The following RABEP1 variants were observed in gnomAD, a reference collection of about 807,000 sequenced individuals.
RABEP1 encodes the protein rabaptin, RAB GTPase binding effector protein 1, also known as rab GTPase-binding effector protein 1.
In RABEP1, 51 loss-of-function variants were observed where a neutral mutation model predicts 123.4. The observed-to-expected ratio is 0.41, with a 90% CI of 0.33 to 0.52. The LOEUF (loss-of-function observed/expected upper bound fraction) is 0.52, where lower values mean the gene tolerates loss of function less well. Among genes scored for constraint, RABEP1 ranks in the 20% least tolerant of loss-of-function variants. RABEP1 has a pLI of 0.16. For synonymous variants in RABEP1, 347 were observed against 355.2 expected, an observed-to-expected ratio of 0.98 and a Z score of 0.26; for missense variants, 888 against 996.3, an observed-to-expected ratio of 0.89 and a Z score of 1.46.
intron 13 of RABEP1, among the ~76,000 whole-genome samples, chr17:5,376,027 C>T (rs1434019018): frequency 6.6e-6 from 1 of 152,100 alleles, no homozygotes; most frequent in Non-Finnish European, 1.5e-5. Context: ...TGTGTGCCAC[C>T]ATGTCTGGCT....
chr17:5,314,946 A>G (rs777708561), intron 2 of RABEP1, among the ~76,000 whole-genome samples: 17 of 152,226 alleles, frequency 1.1e-4, no homozygotes, highest in South Asian at 2.1e-4. Flanking sequence ...AGTGTTGGCA[A>G]TGAGTAAGAG....
chr17:5,282,319 C>G lies in RABEP1; in HGVS notation c.-168C>G, dbSNP rs950085853. The G allele has an allele frequency of 2.1e-4, 97 of 455,266 alleles. No homozygotes were observed. Among genetic ancestry groups the G allele is most frequent in the Non-Finnish European group, 3.2e-4 (88 of 275,524 alleles). The allele number at this position is 455,266 out of a possible 1,614,324, so 28.2% of individuals were successfully genotyped here. On this transcript the variant is annotated 5_prime_UTR_variant, in exon 1 of 18. Transcript: ENST00000537505. ...GGAGGCGGAGGTCGGCGGTCGGGTC[C>G]GTCTCTGCCCGCGGCTGTGGCGGCG...
intron 10 of RABEP1, 35 bp downstream of exon 10, chr17:5,363,051 G>A (rs762904180): frequency 3.3e-6 from 5 of 1,513,350 alleles, no homozygotes; most frequent in Non-Finnish European, 3.7e-6. Flanking sequence ...ATTGGATATT[G>A]TCGTTTTCAT....
chr17:5,337,973 A>G (rs770819789), intron 4 of RABEP1, 46 bp from the exon 5 acceptor site: 2 of 1,551,750 alleles, frequency 1.3e-6, no homozygotes, highest in Non-Finnish European at 8.7e-7. Context: ...TTCTTAGAAA[A>G]GCAGTAAATG....
rs1280370441 is a variant in RABEP1, at chr17:5,308,825, A to G, written c.163+3A>G. On this transcript the variant is annotated splice_donor_region_variant and intron_variant, in intron 2 of 17. Coordinates refer to ENST00000537505, the MANE Select transcript of RABEP1 (RefSeq NM_004703.6). Reference sequence around the variant, plus strand: ...GGAGTTATATTTGGCTAAAGAGGGTAAGTTCATAAGTCTCGCACCAACTTC... The same window carrying G: ...GGAGTTATATTTGGCTAAAGAGGGTGAGTTCATAAGTCTCGCACCAACTTC... 1.9e-6 allele frequency: 3 copies of G among 1,602,970 alleles called. No homozygotes were observed. The highest frequency in any genetic ancestry group is 2.6e-6 in the Non-Finnish European group (3 of 1,173,806).
Position 5,289,556 on chromosome 17 carries a change from A to G in RABEP1, c.34+7036A>G, listed in dbSNP as rs78256644. ...TGTGGTTTTTTATATTTTGTAGTCC[A>G]ATCCATTTGCAATTTATTTATTTTT... On this transcript the variant is annotated intron_variant, in intron 1 of 17. Coordinates refer to ENST00000537505, the MANE Select transcript of RABEP1 (RefSeq NM_004703.6). 2.0e-3 allele frequency among the ~76,000 whole-genome samples: 302 copies of G among 151,998 alleles called. 3 individuals are homozygous for G. Among genetic ancestry groups the G allele is most frequent in the Non-Finnish European group, 3.3e-3 (223 of 67,978 alleles).
At chr17:5,320,361 A>G (rs1205806426) in intron 2 of RABEP1, among the ~76,000 whole-genome samples, 1 of 148,742 alleles carries the variant, frequency 6.7e-6, no homozygotes, top group Non-Finnish European at 1.5e-5. Context: ...TACCAGACCC[A>G]TCCCACAAGA....
In RABEP1 at chr17:5,384,505, T is replaced by C. The variant is rs1485419198; in HGVS notation, c.*1282T>C. ...CAGCAGGGTACCTGAAAGAGCCTTCTGGGAGTTAGTGAACTAGGTAGATTG... is the reference window on the plus strand; with the variant it reads ...CAGCAGGGTACCTGAAAGAGCCTTCCGGGAGTTAGTGAACTAGGTAGATTG... On this transcript the variant is annotated 3_prime_UTR_variant, in exon 18 of 18. Transcript: ENST00000537505. 2 of 216,312 alleles carry C rather than the reference T, an allele frequency of 9.2e-6. No individual in the cohort carries two copies. Among genetic ancestry groups the C allele is most frequent in the Non-Finnish European group, 1.9e-5 (2 of 107,600 alleles). The allele number at this position is 216,312 out of a possible 1,614,324, so 13.4% of individuals were successfully genotyped here.
Position 5,354,278 on chromosome 17 carries a change from T to C in RABEP1, c.964-81T>C. ...TCTTATCATAACGCTCTGTTCTTTA[T>C]TTGTTTTGAATGGTTAAAGAACTGT... On this transcript the variant is annotated intron_variant, in intron 7 of 17. Coordinates refer to ENST00000537505, the MANE Select transcript of RABEP1 (RefSeq NM_004703.6). The C allele has an allele frequency of 2.3e-6, 3 of 1,312,092 alleles. No homozygotes were observed. In the South Asian group the frequency reaches 4.5e-5, roughly 20 times the overall value. The allele number at this position is 1,312,092 out of a possible 1,614,324, so 81.3% of individuals were successfully genotyped here.
rs188987057 is a variant in RABEP1 at position 5,363,158 on chromosome 17, T to C, written c.1668+142T>C. 6.2e-5 allele frequency: 40 copies of C among 642,134 alleles called. No individual in the cohort carries two copies. In the Admixed American group the frequency reaches 1.0e-3, roughly 16 times the overall value. The allele number at this position is 642,134 out of a possible 1,614,324, so 39.8% of individuals were successfully genotyped here. On this transcript the variant is annotated intron_variant, in intron 10 of 17. Coordinates refer to ENST00000537505, the MANE Select transcript of RABEP1 (RefSeq NM_004703.6). ...TTAAGTTATGAAATAACCTGGTACATGCAATGGCAGTTACATTTCCAGTGG... is the reference window on the plus strand; with the variant it reads ...TTAAGTTATGAAATAACCTGGTACACGCAATGGCAGTTACATTTCCAGTGG...
intron 1 of RABEP1, among the ~76,000 whole-genome samples, chr17:5,297,983 T>C (rs1212643729): frequency 6.6e-6 from 1 of 152,226 alleles, no homozygotes; most frequent in Non-Finnish European, 1.5e-5. Flanking sequence ...GACTTCTCTT[T>C]CCTCTTGGTT....
chr17:5,298,472 T>C (rs997241351), intron 1 of RABEP1, among the ~76,000 whole-genome samples: 5 of 152,204 alleles, frequency 3.3e-5, no homozygotes, highest in Non-Finnish European at 7.3e-5. Context: ...AACCAGAGAT[T>C]ATGATATTCT....
At chr17:5,301,576 T>C (rs1359580802) in intron 1 of RABEP1, among the ~76,000 whole-genome samples, 2 of 152,322 alleles carry the variant, frequency 1.3e-5, no homozygotes, top group East Asian at 1.9e-4. Context: ...GCTTTCTTCA[T>C]TGAAAAATGT....
intron 2 of RABEP1, among the ~76,000 whole-genome samples, chr17:5,326,915 A>G (rs1274710614): frequency 6.6e-6 from 1 of 152,248 alleles, no homozygotes; most frequent in East Asian, 1.9e-4. Flanking sequence ...TGTACTGACA[A>G]AAACCTAGAT....
At chr17:5,381,256 T>C (rs1911426553) in intron 16 of RABEP1, 133 bp from the exon 17 acceptor site, 3 of 1,250,242 alleles carry the variant, frequency 2.4e-6, no homozygotes, top group Non-Finnish European at 3.2e-6. Flanking sequence ...GATAAAGAGA[T>C]TGGTCGTGTA....
chr17:5,334,677 G>C (rs1335580665), intron 3 of RABEP1, among the ~76,000 whole-genome samples: 1 of 152,148 alleles, frequency 6.6e-6, no homozygotes, highest in Admixed American at 6.6e-5. Context: ...CACGTTTTAA[G>C]ATTATATTAA....
intron 3 of RABEP1, among the ~76,000 whole-genome samples, chr17:5,333,154 AAT>A (rs1398494531): frequency 6.6e-6 from 1 of 151,910 alleles, no homozygotes; most frequent in Non-Finnish European, 1.5e-5. Flanking sequence ...GGAATTAGTT[AAT>A]ATTCTATTTT....
Position 5,345,857 on chromosome 17 carries a change from C to T in RABEP1, c.649-933C>T, listed in dbSNP as rs557926431. On this transcript the variant is annotated intron_variant, in intron 5 of 17. Coordinates refer to ENST00000537505, the MANE Select transcript of RABEP1 (RefSeq NM_004703.6). ...CCTTGAATGTGATATTAGATATAACCATTTGAAAAAGTTGAAAGTTAACTA... is the reference window on the plus strand; with the variant it reads ...CCTTGAATGTGATATTAGATATAACTATTTGAAAAAGTTGAAAGTTAACTA... Among the ~76,000 whole-genome samples, 5 of 152,118 alleles carry T rather than the reference C, an allele frequency of 3.3e-5. No individual in the cohort carries two copies. The South Asian group carries it at 1.0e-3, about 32-fold the overall frequency.
In RABEP1 at chr17:5,361,379, G is replaced by A; in HGVS notation, c.1267G>A (p.Gly423Ser). 6.2e-7 allele frequency: 1 copy of A among 1,614,096 alleles called. No individual in the cohort carries two copies. Among genetic ancestry groups the A allele is most frequent in the Non-Finnish European group, 8.5e-7 (1 of 1,180,028 alleles). The change falls in exon 9 of 18, where the codon GGC becomes AGC. Residue 423 changes from glycine (G) to serine (S), a missense_variant. Coordinates refer to ENST00000537505, the MANE Select transcript of RABEP1 (RefSeq NM_004703.6). The stretch of plus-strand genomic sequence containing the variant: ...GGGCTCATTGCAATCCAAAGCTTTA[G>A]GCTATAACTACAAAGCAAAATCTGC... The part of the protein sequence containing the change: ...TSGSLQSKAL[G>S]YNYKAKSAGN...
Sources: allele counts gnomAD v4.1 joint callset (sites outside exome capture counted in the v4.1 genomes callset), GRCh38; gene constraint gnomAD v4.1.1; transcripts MANE v1.5; gene names NCBI Gene and HGNC (gene_info 2026-07-23, HGNC 2026-07-21).